CSMD1: variants seen among roughly 807,000 people sequenced by gnomAD.
The protein encoded by CSMD1 is CUB and sushi domain-containing protein 1.
CSMD1 carries 213 observed loss-of-function variants against 417.5 expected under a neutral mutation model. The observed-to-expected ratio is 0.51, with a 90% CI of 0.46 to 0.57. CSMD1 has a LOEUF of 0.57. Among genes scored for constraint, CSMD1 ranks in the 20% least tolerant of loss-of-function variants. The probability of loss-of-function intolerance (pLI) is 0.00; values close to 1 mark genes in which losing one functional copy is unlikely to be tolerated. For synonymous variants in CSMD1, 2,862 were observed against 1,736.8 expected (o/e 1.65, Z -16.11); for missense variants, 6,923 against 4,529.7 (o/e 1.53, Z -15.17).
intron 3 of CSMD1, among the ~76,000 whole-genome samples, chr8:4,230,036 A>T (rs1801616809): frequency 6.6e-6 from 1 of 152,350 alleles, no homozygotes; most frequent in Admixed American, 6.5e-5. Flanking sequence ...TTTTAAACAT[A>T]AGAACATCTT....
chr8:3,428,965 T>G (rs270063), intron 12 of CSMD1, among the ~76,000 whole-genome samples: 97,531 of 152,080 alleles, frequency 0.64, 31,879 homozygotes, highest in South Asian at 0.77. Context: ...ATCATCTCAC[T>G]TTTACGGAGA....
chr8:3,496,275 A>T (rs544649991), intron 10 of CSMD1, among the ~76,000 whole-genome samples: 2 of 152,128 alleles, frequency 1.3e-5, no homozygotes, highest in Admixed American at 6.5e-5. Flanking sequence ...AATCCTGCCT[A>T]TCCCCTTCAT....
chr8:4,310,992 A>T (rs1232480075), intron 3 of CSMD1, among the ~76,000 whole-genome samples: 1 of 152,226 alleles, frequency 6.6e-6, no homozygotes, highest in African/African-American at 2.4e-5. Context: ...TGAAAAGTAC[A>T]AAGATAATAG....
At chr8:4,746,644 T>C (rs1325645503) in intron 1 of CSMD1, among the ~76,000 whole-genome samples, 2 of 152,196 alleles carry the variant, frequency 1.3e-5, no homozygotes, top group African/African-American at 4.8e-5. Flanking sequence ...CAATCCAACC[T>C]GGGCAGCACA....
At chr8:4,021,855 T>C (rs1426653888) in intron 4 of CSMD1, among the ~76,000 whole-genome samples, 2 of 151,992 alleles carry the variant, frequency 1.3e-5, no homozygotes, top group Non-Finnish European at 2.9e-5. Context: ...GAGATAACAA[T>C]GAAATAGTGC....
chr8:3,341,552 G>A (rs142752643), intron 23 of CSMD1, among the ~76,000 whole-genome samples: 2 of 152,136 alleles, frequency 1.3e-5, no homozygotes, highest in African/African-American at 4.8e-5. Context: ...GCAGCCACAG[G>A]AAGGGAAAAA....
Position 3,435,721 on chromosome 8 carries a change from C to A in CSMD1, c.1562-26116G>T, listed in dbSNP as rs1219932272. Among the ~76,000 whole-genome samples the A allele has an allele frequency of 3.3e-5, 5 of 152,190 alleles. No individual in the cohort carries two copies. The East Asian group carries it at 9.7e-4, about 29-fold the overall frequency. ...CCCAGACCTCCTTCCCATCCCAACACCCTACACGTCACTCAATCAGGTTCT... is the reference window on the plus strand; with the variant it reads ...CCCAGACCTCCTTCCCATCCCAACAACCTACACGTCACTCAATCAGGTTCT... On this transcript the variant is annotated intron_variant, in intron 12 of 69. Transcript: ENST00000635120.
intron 1 of CSMD1, among the ~76,000 whole-genome samples, chr8:4,795,823 G>A (rs1195223197): frequency 1.3e-5 from 2 of 152,056 alleles, no homozygotes; most frequent in East Asian, 1.9e-4. Flanking sequence ...CTGTACTGAG[G>A]CAGCCCTTCT....
intron 3 of CSMD1, among the ~76,000 whole-genome samples, chr8:4,275,137 TA>T: frequency 1.3e-5 from 2 of 152,308 alleles, no homozygotes; most frequent in Middle Eastern, 3.4e-3. Context: ...TGATAGTCAA[TA>T]AAAGAGTAGC....
intron 5 of CSMD1, among the ~76,000 whole-genome samples, chr8:3,933,076 A>AG (rs1366051397): frequency 7.2e-6 from 1 of 139,036 alleles, no homozygotes; most frequent in East Asian, 2.1e-4. Flanking sequence ...TTAAAAAAAA[A>AG]CAAAAGAAAC....
chr8:3,067,049 C>T (rs891326234), intron 49 of CSMD1, among the ~76,000 whole-genome samples: 3 of 151,996 alleles, frequency 2.0e-5, no homozygotes, highest in Non-Finnish European at 2.9e-5. Flanking sequence ...TCATCTCTTT[C>T]GCTCAGCCTG....
At chr8:4,803,034 T>G (rs559952897) in intron 1 of CSMD1, among the ~76,000 whole-genome samples, 135 of 152,320 alleles carry the variant, frequency 8.9e-4, no homozygotes, top group African/African-American at 3.0e-3. Context: ...TTTTCTCCGG[T>G]GCCATTTCTA....
intron 3 of CSMD1, among the ~76,000 whole-genome samples, chr8:4,093,125 G>C (rs979522254): frequency 3.3e-5 from 5 of 152,008 alleles, no homozygotes; most frequent in Admixed American, 2.6e-4. Context: ...AAAATCTCCA[G>C]CCATAAATTA....
intron 6 of CSMD1, among the ~76,000 whole-genome samples, chr8:3,715,090 G>T (rs980980815): frequency 6.6e-6 from 1 of 152,066 alleles, no homozygotes; most frequent in Non-Finnish European, 1.5e-5. Context: ...TTCTTCATTA[G>T]ATTTTTTTGT....
intron 3 of CSMD1, among the ~76,000 whole-genome samples, chr8:4,139,379 T>C (rs545814897): frequency 1.3e-5 from 2 of 152,096 alleles, no homozygotes; most frequent in African/African-American, 4.8e-5. Context: ...ACAGTGGTGT[T>C]TGAGCTGCTT....
At chr8:4,353,252 G>A (rs11781343) in intron 3 of CSMD1, among the ~76,000 whole-genome samples, 1,595 of 152,112 alleles carry the variant, frequency 0.01, 17 homozygotes, top group Middle Eastern at 0.024. Context: ...TGTTCTTCTG[G>A]TAGTAAGTCT....
chr8:3,646,453 G>T (rs1047473637), intron 7 of CSMD1, among the ~76,000 whole-genome samples: 12 of 152,058 alleles, frequency 7.9e-5, no homozygotes, highest in African/African-American at 2.9e-4. Flanking sequence ...GTAAATAAGG[G>T]AAAATCGCAC....
Position 3,486,355 on chromosome 8 carries a change from T to C in CSMD1, c.1448+7268A>G, listed in dbSNP as rs529131003. 2.0e-5 allele frequency among the ~76,000 whole-genome samples: 3 copies of C among 152,352 alleles called. No homozygotes were observed. The East Asian group carries it at 5.8e-4, about 29-fold the overall frequency. ...AGAGGGAGTCAGGGATGGTGCACTG[T>C]AAATGCATGCATCTATTGTTTTAAT... On this transcript the variant is annotated intron_variant, in intron 11 of 69. Transcript: ENST00000635120.
chr8:4,015,432 C>T (rs1384940096), intron 4 of CSMD1, among the ~76,000 whole-genome samples: 1 of 152,042 alleles, frequency 6.6e-6, no homozygotes, highest in African/African-American at 2.4e-5. Context: ...ATAGAATTGG[C>T]AAGTGACATA....
Sources: allele counts gnomAD v4.1 joint callset (sites outside exome capture counted in the v4.1 genomes callset), GRCh38; gene constraint gnomAD v4.1.1; transcripts MANE v1.5; gene names NCBI Gene and HGNC (gene_info 2026-07-23, HGNC 2026-07-21).